Variants in ATP2C2 observed in about 807,000 individuals in gnomAD.
ATP2C2 encodes ATPase secretory pathway Ca2+ transporting 2.
In ATP2C2, 171 loss-of-function variants were observed where a neutral mutation model predicts 110.8. That is an observed-to-expected ratio of 1.54 (90% CI 1.36 to 1.75). ATP2C2 has a LOEUF of 1.75. Ranked by LOEUF, ATP2C2 falls within the 40% of genes most tolerant of loss-of-function variation. ATP2C2 has a pLI of 0.00. For synonymous variants in ATP2C2, 804 were observed against 508.4 expected, an observed-to-expected ratio of 1.58 and a Z score of -7.82; for missense variants, 1,963 against 1,235.0, an observed-to-expected ratio of 1.59 and a Z score of -8.84.
chr16:84,459,238 G>T (rs773662674), intron 22 of ATP2C2, 32 bp from the exon 23 acceptor site: 1 of 1,614,092 alleles, frequency 6.2e-7, no homozygotes, highest in South Asian at 1.1e-5. Context: ...CGCCTGGCGG[G>T]CGGCCGCTGA....
In ATP2C2 at chr16:84,446,527, C is replaced by T. The variant is rs948132238; in HGVS notation, c.1503+97C>T. On this transcript the variant is annotated intron_variant, in intron 16 of 26. Coordinates refer to ENST00000262429, the MANE Select transcript of ATP2C2 (RefSeq NM_014861.4). ...AGACTTCAAGGATAATTTGAAAGTT[C>T]CTGGCTGCTTCTGTGACGTTCCAAA... 4 of 809,734 alleles carry T rather than the reference C, an allele frequency of 4.9e-6. No homozygotes were observed. The African/African-American group carries it at 7.2e-5, about 15-fold the overall frequency. 50.2% of individuals were successfully genotyped at this position (809,734 alleles called of 1,614,324 possible).
chr16:84,411,915 T>TTTTTCTTTTCTTTCTTTCCTTTC, intron 6 of ATP2C2, among the ~76,000 whole-genome samples: 3 of 152,114 alleles, frequency 2.0e-5, no homozygotes, highest in East Asian at 1.9e-4. Flanking sequence ...AGCTTTTTCC[T>TTTTTCTTTTCTTTCTTTCCTTTC]TTTTCTTTTC....
intron 6 of ATP2C2, among the ~76,000 whole-genome samples, chr16:84,411,831 T>C (rs247820): frequency 0.43 from 65,303 of 152,114 alleles, 14,445 homozygotes; most frequent in Non-Finnish European, 0.49. Context: ...CAGCTCAGCT[T>C]AGAACATCTG....
chr16:84,433,657 C>T (rs1298360689), intron 11 of ATP2C2, among the ~76,000 whole-genome samples: 1 of 144,974 alleles, frequency 6.9e-6, no homozygotes, highest in Non-Finnish European at 1.5e-5. Flanking sequence ...GTCTCAAAAA[C>T]AAAACAAAAC....
chr16:84,434,364 C>T (rs1382109637), intron 11 of ATP2C2, among the ~76,000 whole-genome samples: 1 of 151,240 alleles, frequency 6.6e-6, no homozygotes, highest in Non-Finnish European at 1.5e-5. Flanking sequence ...TGCGGTGAGC[C>T]GAGATTGCAC....
intron 15 of ATP2C2, among the ~76,000 whole-genome samples, chr16:84,443,891 A>G (rs563587867): frequency 5.9e-5 from 9 of 152,214 alleles, no homozygotes; most frequent in Non-Finnish European, 1.3e-4. Context: ...AAGTCATTAC[A>G]GGCTGAGTGC....
intron 1 of ATP2C2, among the ~76,000 whole-genome samples, chr16:84,370,668 G>C (rs1365727851): frequency 7.4e-6 from 1 of 134,570 alleles, no homozygotes; most frequent in Non-Finnish European, 1.5e-5. Context: ...ACAATAGTTG[G>C]AATTGTCTTT....
chr16:84,431,858 A>C (rs1567719441), intron 11 of ATP2C2, among the ~76,000 whole-genome samples: 1 of 152,050 alleles, frequency 6.6e-6, no homozygotes, highest in Non-Finnish European at 1.5e-5. Flanking sequence ...AGGCCGAAGG[A>C]AGTGGGAGGT....
In ATP2C2 at chr16:84,460,774, C is replaced by A. The variant is rs746538528; in HGVS notation, c.2454C>A (p.Ser818Arg). 5.6e-6 allele frequency: 9 copies of A among 1,613,770 alleles called. No individual in the cohort carries two copies. Among genetic ancestry groups the A allele is most frequent in the South Asian group, 2.2e-5 (2 of 91,068 alleles). ...TCATGTCCGCGGCCATCATCATCAG[C>A]GGGACCCTCTTTATCTTCTGGAAGG... is the stretch of plus-strand genomic sequence containing the variant. The part of the protein sequence containing the change: ...KILMSAAIII[S>R]GTLFIFWKEM... Residue 818 changes from serine (S) to arginine (R), a missense_variant, in exon 24 of 27, where the codon AGC (serine) becomes AGA (arginine). By Grantham distance (110) the Ser-to-Arg change is moderately radical. Transcript: ENST00000262429.
chr16:84,435,521 G>A (rs1408595236), intron 11 of ATP2C2, among the ~76,000 whole-genome samples: 1 of 152,196 alleles, frequency 6.6e-6, no homozygotes, highest in Non-Finnish European at 1.5e-5. Context: ...ATTTTCTAAT[G>A]CAGAGGATAA....
chr16:84,415,389 A>G (rs1906739896), intron 6 of ATP2C2, 94 bp from the exon 7 acceptor site: 3 of 1,045,710 alleles, frequency 2.9e-6, no homozygotes, highest in Non-Finnish European at 4.5e-6. Flanking sequence ...TAAAAGAGAA[A>G]AGTGTGTTTC....
intron 26 of ATP2C2, chr16:84,462,345 C>G: frequency 1.7e-6 from 1 of 602,192 alleles, no homozygotes; most frequent in Non-Finnish European, 2.8e-6. Flanking sequence ...AGAGGCCTGT[C>G]ACTCAAGAGT....
chr16:84,412,337 T>C (rs1338038933), intron 6 of ATP2C2, among the ~76,000 whole-genome samples: 2 of 132,144 alleles, frequency 1.5e-5, no homozygotes, highest in East Asian at 2.1e-4. Context: ...TGTGTGTCTG[T>C]ATGCGTGTGT....
chr16:84,378,394 G>C lies in ATP2C2; in HGVS notation c.99+9680G>C, dbSNP rs114312835. Among the ~76,000 whole-genome samples, 689 of 152,262 alleles carry C rather than the reference G, an allele frequency of 4.5e-3. 7 individuals are homozygous for C. Among genetic ancestry groups the C allele is most frequent in the African/African-American group, 0.016 (654 of 41,548 alleles). Reference sequence around the variant, plus strand: ...TCATGTGTCCTGGTGTGAAAGTGGAGGTGTTGGGTGCAAGAATGGAGGGCA... The same window carrying C: ...TCATGTGTCCTGGTGTGAAAGTGGACGTGTTGGGTGCAAGAATGGAGGGCA... On this transcript the variant is annotated intron_variant, in intron 1 of 26. Coordinates refer to ENST00000262429, the MANE Select transcript of ATP2C2 (RefSeq NM_014861.4).
chr16:84,376,702 G>A (rs1361832477), intron 1 of ATP2C2, among the ~76,000 whole-genome samples: 4 of 152,184 alleles, frequency 2.6e-5, no homozygotes, highest in Admixed American at 2.6e-4. Flanking sequence ...ATGGCCGCTG[G>A]GTGGAGGAGG....
intron 17 of ATP2C2, among the ~76,000 whole-genome samples, chr16:84,451,247 T>C (rs903984915): frequency 3.1e-4 from 47 of 152,136 alleles, no homozygotes; most frequent in African/African-American, 1.1e-3. Context: ...CCACAGAGCA[T>C]TGTGGGGAAA....
intron 26 of ATP2C2, 45 bp downstream of exon 26, chr16:84,462,174 A>ATGGGGGGCGGCAGCTGCCAGG: frequency 6.3e-7 from 1 of 1,584,226 alleles, no homozygotes. Context: ...GACCAGGGCC[A>ATGGGGGGCGGCAGCTGCCAGG]TGGGGGGCGG....
chr16:84,450,869 G>A (rs1910195492), intron 17 of ATP2C2, among the ~76,000 whole-genome samples: 1 of 152,054 alleles, frequency 6.6e-6, no homozygotes, highest in African/African-American at 2.4e-5. Flanking sequence ...ATGACAAGAT[G>A]AGTTAGCACA....
chr16:84,372,092 G>A (rs376058844), intron 1 of ATP2C2, among the ~76,000 whole-genome samples: 17 of 152,152 alleles, frequency 1.1e-4, no homozygotes, highest in African/African-American at 3.9e-4. Flanking sequence ...CGTTGGGGTT[G>A]GTAGGATGAG....
Sources: gnomAD v4.1 joint callset for allele counts (sites outside exome capture counted in the v4.1 genomes callset) on GRCh38, gnomAD v4.1.1 for gene constraint, MANE v1.5 for transcripts, NCBI Gene and HGNC (gene_info 2026-07-23, HGNC 2026-07-21) for gene names.